The following DCAF6 variants were observed in gnomAD, a reference collection of about 807,000 sequenced individuals.
DCAF6 encodes DDB1- and CUL4-associated factor 6.
In DCAF6, 54 loss-of-function variants were observed where a neutral mutation model predicts 125.1. The observed-to-expected ratio is 0.43, with a 90% confidence interval of 0.35 to 0.54. The LOEUF is 0.54. Ranked by LOEUF, DCAF6 falls within the 20% of genes least tolerant of loss-of-function variation. DCAF6 has a pLI of 0.01. For synonymous variants in DCAF6, 371 were observed against 390.4 expected, an observed-to-expected ratio of 0.95 and a Z score of 0.58; for missense variants, 934 against 1,161.7, an observed-to-expected ratio of 0.80 and a Z score of 2.85.
At chr1:168,072,321 A>AAAAAAAAAAAAAAAAAAG (rs1693200024) in intron 21 of DCAF6, among the ~76,000 whole-genome samples, 1 of 146,286 alleles carries the variant, frequency 6.8e-6, no homozygotes, top group African/African-American at 2.6e-5. Flanking sequence ...AAAAAAAAAA[A>AAAAAAAAAAAAAAAAAAG]AAAAGAAAAG....
intron 16 of DCAF6, among the ~76,000 whole-genome samples, chr1:168,047,382 G>A (rs1276914458): frequency 6.6e-6 from 1 of 152,054 alleles, no homozygotes; most frequent in Non-Finnish European, 1.5e-5. Flanking sequence ...CCCACTTCAT[G>A]CATATACTCT....
In DCAF6 at chr1:168,015,970, C is replaced by A; in HGVS notation, c.1549+19C>A. On this transcript the variant is annotated intron_variant, in intron 11 of 21. Coordinates refer to ENST00000367840, the MANE Select transcript of DCAF6 (RefSeq NM_001198956.2). ...GCTTCAGGTTATTAATGTCAAGTGT[C>A]CTTAAGCAGCTGATAGAATTGTTTT... 1 of 1,437,928 alleles carries A rather than the reference C, an allele frequency of 7.0e-7. No individual in the cohort carries two copies. Among genetic ancestry groups the A allele is most frequent in the South Asian group, 1.5e-5 (1 of 68,738 alleles). The allele number at this position is 1,437,928 out of a possible 1,614,324, so 89.1% of individuals were successfully genotyped here.
intron 7 of DCAF6, among the ~76,000 whole-genome samples, chr1:168,001,866 A>T (rs1682689272): frequency 6.6e-6 from 1 of 152,178 alleles, no homozygotes; most frequent in African/African-American, 2.4e-5. Context: ...GTAGATGTAG[A>T]TTTAATTTAT....
intron 20 of DCAF6, among the ~76,000 whole-genome samples, 158 bp from the exon 21 acceptor site, chr1:168,068,200 G>T (rs1408138214): frequency 4.6e-5 from 7 of 152,056 alleles, no homozygotes; most frequent in Admixed American, 3.3e-4. Flanking sequence ...TGATTATTTG[G>T]CATTGAATAG....
chr1:167,919,822 A>G, the DCAF6 span, among the ~76,000 whole-genome samples: 1 of 152,100 alleles, frequency 6.6e-6, no homozygotes, highest in Middle Eastern at 3.4e-3. Flanking sequence ...TCTACTTTAG[A>G]TACTTCTTGT....
At chr1:167,940,687 CATT>C (rs886207300) in intron 1 of DCAF6, among the ~76,000 whole-genome samples, 1 of 151,854 alleles carries the variant, frequency 6.6e-6, no homozygotes, top group African/African-American at 2.4e-5. Flanking sequence ...TAAAGATAAA[CATT>C]GTTAATAAAA....
chr1:167,867,425 CAGTAT>C, the DCAF6 span, among the ~76,000 whole-genome samples: 1 of 152,144 alleles, frequency 6.6e-6, no homozygotes, highest in African/African-American at 2.4e-5. Context: ...GAACTGTTCC[CAGTAT>C]ATACATCAAG....
At chr1:168,018,808 C>T (rs1685304715) in intron 11 of DCAF6, among the ~76,000 whole-genome samples, 1 of 151,930 alleles carries the variant, frequency 6.6e-6, no homozygotes, top group Non-Finnish European at 1.5e-5. Flanking sequence ...AATGAATTTG[C>T]CTTTATCACA....
chr1:167,943,336 A>G (rs1423984502), intron 1 of DCAF6, among the ~76,000 whole-genome samples: 1 of 152,160 alleles, frequency 6.6e-6, no homozygotes, highest in African/African-American at 2.4e-5. Flanking sequence ...TGTTGAATCT[A>G]TATATTATTT....
intron 12 of DCAF6, among the ~76,000 whole-genome samples, chr1:168,035,904 A>T (rs1558008842): frequency 6.6e-6 from 1 of 151,988 alleles, no homozygotes; most frequent in Non-Finnish European, 1.5e-5. Flanking sequence ...CTCTCCTAAA[A>T]TACAAAAATT....
intron 18 of DCAF6, 35 bp from the exon 19 acceptor site, chr1:168,065,555 A>C: frequency 7.0e-7 from 1 of 1,421,004 alleles, no homozygotes. Flanking sequence ...AATAACTTTG[A>C]TTTGAATTTT....
chr1:167,868,166 A>T, the DCAF6 span, among the ~76,000 whole-genome samples: 13 of 152,298 alleles, frequency 8.5e-5, no homozygotes, highest in African/African-American at 3.1e-4. Flanking sequence ...AAAAACCAGA[A>T]ATTTGTTTTT....
chr1:168,002,467 G>A lies in DCAF6; in HGVS notation c.904-15G>A, dbSNP rs192729719. ...TTTTAGACTTACATAGAATTTACCC[G>A]TTCTTATTTTTTAGTTGCGACAACC... On this transcript the variant is annotated splice_polypyrimidine_tract_variant and intron_variant, in intron 7 of 21. Coordinates refer to ENST00000367840, the MANE Select transcript of DCAF6 (RefSeq NM_001198956.2). 4.3e-5 allele frequency: 70 copies of A among 1,610,252 alleles called. No individual in the cohort carries two copies. In the Middle Eastern group the frequency reaches 6.6e-4, roughly 15 times the overall value.
rs114441489 is a variant in DCAF6, at chr1:167,957,144, C to T, written c.159+5283C>T. ...ATGTGCTCACATACTATAAAACTGA[C>T]GCATCTTAAGTGTTCAATTCGGTGG... On this transcript the variant is annotated intron_variant, in intron 2 of 21. Transcript: ENST00000367840. 5.0e-3 allele frequency among the ~76,000 whole-genome samples: 764 copies of T among 151,836 alleles called. 5 individuals carry two copies. The highest frequency in any genetic ancestry group is 0.017 in the African/African-American group (712 of 41,424).
chr1:167,937,123 T>A, intron 1 of DCAF6, 115 bp downstream of exon 1: 1 of 834,940 alleles, frequency 1.2e-6, no homozygotes, highest in Non-Finnish European at 1.9e-6. Flanking sequence ...GCCCGGAGAC[T>A]CTGGGGTGTT....
intron 4 of DCAF6, among the ~76,000 whole-genome samples, chr1:167,982,152 G>T (rs563621985): frequency 1.3e-5 from 2 of 152,114 alleles, no homozygotes; most frequent in Non-Finnish European, 2.9e-5. Context: ...TTTTGTGTTC[G>T]TTGGCTCCTT....
At chr1:168,029,301 T>G (rs1016145272) in intron 12 of DCAF6, among the ~76,000 whole-genome samples, 2 of 152,240 alleles carry the variant, frequency 1.3e-5, no homozygotes, top group Non-Finnish European at 2.9e-5. Flanking sequence ...TGAATTATCT[T>G]AATTTTACTA....
chr1:167,969,702 G>T (rs964399913), intron 3 of DCAF6, among the ~76,000 whole-genome samples: 6 of 152,090 alleles, frequency 3.9e-5, no homozygotes, highest in South Asian at 4.1e-4. Flanking sequence ...TCCTGGCTTA[G>T]CAAAAAAAGC....
intron 13 of DCAF6, among the ~76,000 whole-genome samples, chr1:168,042,071 G>A (rs1032908826): frequency 6.6e-6 from 1 of 151,756 alleles, no homozygotes; most frequent in Non-Finnish European, 1.5e-5. Context: ...TATTATATAT[G>A]TACTCTCTTT....
Sources: allele counts gnomAD v4.1 joint callset (sites outside exome capture counted in the v4.1 genomes callset), GRCh38; gene constraint gnomAD v4.1.1; transcripts MANE v1.5; gene names NCBI Gene and HGNC (gene_info 2026-07-23, HGNC 2026-07-21).